Variants in SMAP1 observed in about 807,000 individuals in gnomAD.
SMAP1 encodes small ArfGAP 1.
In SMAP1, 24 loss-of-function variants were observed where a neutral mutation model predicts 58.5. The ratio of observed to expected loss-of-function variants is 0.41; its 90% CI spans 0.30 to 0.58. The LOEUF (loss-of-function observed/expected upper bound fraction) is 0.58. SMAP1 is among the 20% of genes least tolerant of loss of function. The probability of loss-of-function intolerance (pLI) is 0.29; values close to 1 mark genes in which losing one functional copy is unlikely to be tolerated. For missense variants in SMAP1, 563 were observed against 566.3 expected, an observed-to-expected ratio of 0.99 and a Z score of 0.06; for synonymous variants, 216 against 196.6, an observed-to-expected ratio of 1.10 and a Z score of -0.82.
At position 70,785,326 on chromosome 6, in the gene SMAP1, C is replaced by T. The variant is rs563562395; in HGVS notation, c.415-6363C>T. ...GCAGTGTGTAGAGGGAAATTTATAG[C>T]ACTAAATGCCCACAAGAGAAAGCAG... On this transcript the variant is annotated intron_variant, in intron 4 of 10. Transcript: ENST00000370455. Among the ~76,000 whole-genome samples the T allele has an allele frequency of 2.6e-5, 4 of 152,098 alleles. No homozygotes were observed. The East Asian group carries it at 7.7e-4, about 29-fold the overall frequency.
intron 10 of SMAP1, chr6:70,859,025 CCATTGAT>C (rs1364436059): frequency 4.3e-5 from 9 of 209,562 alleles, no homozygotes; most frequent in African/African-American, 2.1e-4. Flanking sequence ...TTTACACTTC[CCATTGAT>C]GTTCCTCCAG....
intron 2 of SMAP1, among the ~76,000 whole-genome samples, chr6:70,745,011 G>A (rs1490283430): frequency 9.2e-5 from 14 of 152,158 alleles, no homozygotes; most frequent in Admixed American, 8.5e-4. Flanking sequence ...TCCACTTTTT[G>A]ATGGGGTTGT....
chr6:70,850,415 A>G (rs1166700767), intron 7 of SMAP1, among the ~76,000 whole-genome samples: 3 of 152,006 alleles, frequency 2.0e-5, no homozygotes, highest in Non-Finnish European at 4.4e-5. Flanking sequence ...GAAAAACTGG[A>G]AATAGTTGCT....
chr6:70,860,523 C>A lies in SMAP1; in HGVS notation c.*189C>A. ...TGTGGTGAAAAGCAGGTTGATAAATCATTTTATGTCAAGGGCAGCTTTGCT... is the reference window on the plus strand; with the variant it reads ...TGTGGTGAAAAGCAGGTTGATAAATAATTTTATGTCAAGGGCAGCTTTGCT... On this transcript the variant is annotated 3_prime_UTR_variant, in exon 11 of 11. Coordinates refer to ENST00000370455, the MANE Select transcript of SMAP1 (RefSeq NM_001044305.3). 1 of 534,828 alleles carries A rather than the reference C, an allele frequency of 1.9e-6. No homozygotes were observed. The highest frequency in any genetic ancestry group is 2.9e-6 in the Non-Finnish European group (1 of 340,126). 33.1% of individuals were successfully genotyped at this position (534,828 alleles called of 1,614,324 possible). A position where few individuals can be genotyped will look rare whatever the true frequency, so the allele number is the denominator to read the frequency against.
intron 2 of SMAP1, among the ~76,000 whole-genome samples, chr6:70,750,624 A>C (rs1766235016): frequency 6.6e-6 from 1 of 152,238 alleles, no homozygotes. Flanking sequence ...CAATTCAAAA[A>C]GTATTTTAAA....
intron 1 of SMAP1, among the ~76,000 whole-genome samples, chr6:70,728,627 A>G (rs1291671323): frequency 6.6e-6 from 1 of 152,224 alleles, no homozygotes; most frequent in African/African-American, 2.4e-5. Context: ...AGGAGACAGA[A>G]CTAATTACAA....
At chr6:70,717,401 CA>C (rs1768319006) in intron 1 of SMAP1, among the ~76,000 whole-genome samples, 1 of 152,218 alleles carries the variant, frequency 6.6e-6, no homozygotes, top group African/African-American at 2.4e-5. Context: ...AAGAGAACTG[CA>C]AAAGTTGGGT....
intron 6 of SMAP1, among the ~76,000 whole-genome samples, chr6:70,828,700 T>C (rs1319004026): frequency 6.6e-6 from 1 of 152,228 alleles, no homozygotes; most frequent in Middle Eastern, 3.2e-3. Flanking sequence ...AGATTCATCT[T>C]TTATTCCTTA....
At chr6:70,725,093 G>GATTTTTTTTTTTTTTT (rs1768710050) in intron 1 of SMAP1, among the ~76,000 whole-genome samples, 2 of 47,778 alleles carry the variant, frequency 4.2e-5, no homozygotes. Flanking sequence ...ATTAACCAGT[G>GATTTTTTTTTTTTTTT]TTTTTTTTTT....
At chr6:70,805,923 C>T (rs895763160) in intron 6 of SMAP1, among the ~76,000 whole-genome samples, 10 of 152,190 alleles carry the variant, frequency 6.6e-5, no homozygotes, top group Non-Finnish European at 1.5e-4. Context: ...TCTGTCGGCC[C>T]CTACTGGGAG....
intron 2 of SMAP1, among the ~76,000 whole-genome samples, chr6:70,748,278 A>G (rs1766131189): frequency 6.6e-6 from 1 of 152,200 alleles, no homozygotes; most frequent in African/African-American, 2.4e-5. Context: ...TTTTAAAAAT[A>G]TGTATATTTA....
intron 6 of SMAP1, among the ~76,000 whole-genome samples, chr6:70,820,077 T>C (rs1038925935): frequency 6.6e-6 from 1 of 152,228 alleles, no homozygotes; most frequent in Non-Finnish European, 1.5e-5. Context: ...TTTTAATATT[T>C]TCTCATGTGT....
chr6:70,793,644 TAGAGAGAGAGAGAG>T (rs70990334), intron 5 of SMAP1, among the ~76,000 whole-genome samples: 2 of 140,346 alleles, frequency 1.4e-5, no homozygotes, highest in African/African-American at 5.3e-5. Context: ...GGAGAGTAGT[TAGAGAGAGAGAGAG>T]AGAGAGAGAG....
intron 3 of SMAP1, among the ~76,000 whole-genome samples, chr6:70,766,924 T>C (rs1053429267): frequency 4.6e-5 from 7 of 152,148 alleles, no homozygotes; most frequent in Admixed American, 2.0e-4. Context: ...AATTTTTGTA[T>C]AAGGTGTAAG....
At chr6:70,713,732 G>T (rs931127598) in intron 1 of SMAP1, among the ~76,000 whole-genome samples, 10 of 152,100 alleles carry the variant, frequency 6.6e-5, no homozygotes, top group African/African-American at 9.7e-5. Context: ...TGAGTAGAAC[G>T]TTCTGTATAG....
intron 1 of SMAP1, among the ~76,000 whole-genome samples, chr6:70,728,953 T>G (rs1765297359): frequency 6.6e-6 from 1 of 152,248 alleles, no homozygotes; most frequent in Non-Finnish European, 1.5e-5. Flanking sequence ...ATGTTCTTTC[T>G]TAGCCCAATT....
At chr6:70,818,576 T>C (rs1260774711) in intron 6 of SMAP1, among the ~76,000 whole-genome samples, 2 of 152,214 alleles carry the variant, frequency 1.3e-5, no homozygotes, top group African/African-American at 4.8e-5. Context: ...GAGAGGTTTC[T>C]TTATCAAACC....
intron 3 of SMAP1, among the ~76,000 whole-genome samples, chr6:70,768,885 T>C (rs550422493): frequency 1.3e-5 from 2 of 152,312 alleles, no homozygotes; most frequent in African/African-American, 4.8e-5. Context: ...CTTGTGGGCA[T>C]TTAGTGCTAT....
chr6:70,725,091 G>GTTTTTTTTTTTTTTTTTTT (rs1562116511), intron 1 of SMAP1, among the ~76,000 whole-genome samples: 1 of 80,506 alleles, frequency 1.2e-5, no homozygotes, highest in South Asian at 3.8e-4. Flanking sequence ...AAATTAACCA[G>GTTTTTTTTTTTTTTTTTTT]TGTTTTTTTT....
Sources: gnomAD v4.1 joint callset for allele counts (sites outside exome capture counted in the v4.1 genomes callset) on GRCh38, gnomAD v4.1.1 for gene constraint, MANE v1.5 for transcripts, NCBI Gene and HGNC (gene_info 2026-07-23, HGNC 2026-07-21) for gene names.